The following RIMKLB variants were observed in gnomAD, a reference collection of about 807,000 sequenced individuals.
The protein encoded by RIMKLB is ribosomal modification protein rimK like family member B.
Under a neutral mutation model 32.0 loss-of-function variants are expected in RIMKLB, and 7 were observed. The ratio of observed to expected loss-of-function variants is 0.22; its 90% CI spans 0.12 to 0.41. The LOEUF (loss-of-function observed/expected upper bound fraction) is 0.41, where lower values mean the gene tolerates loss of function less well. RIMKLB is among the 10% of genes least tolerant of loss of function. The pLI, the probability that RIMKLB is intolerant of heterozygous loss-of-function variation, is 1.00. For synonymous variants in RIMKLB, 172 were observed against 185.1 expected (o/e 0.93, Z 0.57); for missense variants, 289 against 498.7 (o/e 0.58, Z 4.00).
At chr12:8,720,696 C>A (rs1475727368) in intron 2 of RIMKLB, among the ~76,000 whole-genome samples, 1 of 152,112 alleles carries the variant, frequency 6.6e-6, no homozygotes, top group Non-Finnish European at 1.5e-5. Flanking sequence ...CCTGCCACCA[C>A]GCTCAGCTAA....
chr12:8,725,622 G>T lies in RIMKLB; in HGVS notation c.175+11581G>T, dbSNP rs115435221. ...ACCAGCCCTGGCAGAGGCTGCAAGG[G>T]GGCAGGTAGGAGCCAAGGGGAGCCC... On this transcript the variant is annotated intron_variant, in intron 2 of 5. Coordinates refer to ENST00000535829, the MANE Select transcript of RIMKLB (RefSeq NM_001297776.2). Among the ~76,000 whole-genome samples the T allele has an allele frequency of 7.8e-3, 1,186 of 152,308 alleles. 17 individuals carry two copies. The highest frequency in any genetic ancestry group is 0.027 in the African/African-American group (1,133 of 41,568).
intron 2 of RIMKLB, among the ~76,000 whole-genome samples, chr12:8,718,273 G>A (rs1000414752): frequency 2.0e-5 from 3 of 152,096 alleles, no homozygotes; most frequent in African/African-American, 7.2e-5. Flanking sequence ...AATTACCAGA[G>A]CTCTGAAATA....
chr12:8,707,070 C>A (rs1943947773), intron 1 of RIMKLB, among the ~76,000 whole-genome samples: 1 of 152,104 alleles, frequency 6.6e-6, no homozygotes, highest in African/African-American at 2.4e-5. Flanking sequence ...ATTCAATGTG[C>A]TTTTTCCTGT....
intron 2 of RIMKLB, among the ~76,000 whole-genome samples, chr12:8,733,496 T>G (rs2137338179): frequency 6.6e-6 from 1 of 152,236 alleles, no homozygotes; most frequent in South Asian, 2.1e-4. Flanking sequence ...AGGAAAAACA[T>G]GAAATTGCTT....
intron 2 of RIMKLB, among the ~76,000 whole-genome samples, chr12:8,732,547 G>T (rs1300831488): frequency 1.3e-5 from 2 of 152,020 alleles, no homozygotes; most frequent in Non-Finnish European, 2.9e-5. Flanking sequence ...TCTTTAATAA[G>T]GAAGAAGGAA....
intron 5 of RIMKLB, among the ~76,000 whole-genome samples, chr12:8,769,783 A>G (rs1049748888): frequency 3.3e-5 from 5 of 152,148 alleles, no homozygotes; most frequent in Non-Finnish European, 7.3e-5. Flanking sequence ...ACTTCACTGT[A>G]TCATCATAAT....
In RIMKLB at chr12:8,735,135, C is replaced by G. The variant is rs139056075; in HGVS notation, c.176-14727C>G. On this transcript the variant is annotated intron_variant, in intron 2 of 5. Transcript: ENST00000535829. ...AGGTCAAATCAAAAATTTTGTTTTC[C>G]TTGGTCAGAGAGCTGCAGAATATTT... Among the ~76,000 whole-genome samples the G allele has an allele frequency of 2.0e-5, 3 of 152,194 alleles. No homozygotes were observed. The East Asian group carries it at 5.8e-4, about 29-fold the overall frequency.
chr12:8,748,206 G>A (rs994458885), intron 2 of RIMKLB, among the ~76,000 whole-genome samples: 2 of 152,164 alleles, frequency 1.3e-5, no homozygotes, highest in Non-Finnish European at 2.9e-5. Flanking sequence ...AACAACTATA[G>A]TAGTCTTCCC....
intron 5 of RIMKLB, among the ~76,000 whole-genome samples, chr12:8,755,759 A>G (rs1201564268): frequency 6.6e-6 from 1 of 152,180 alleles, no homozygotes; most frequent in African/African-American, 2.4e-5. Flanking sequence ...TGGTAATCCC[A>G]ACACTTGGGG....
intron 1 of RIMKLB, chr12:8,699,642 ATTCTT>A (rs1265849899): frequency 7.9e-5 from 12 of 152,194 alleles, no homozygotes; most frequent in African/African-American, 2.9e-4. Context: ...ATCCTATTTT[ATTCTT>A]TTCTATCTTG....
At chr12:8,703,579 C>T (rs1943598297) in intron 1 of RIMKLB, among the ~76,000 whole-genome samples, 1 of 152,106 alleles carries the variant, frequency 6.6e-6, no homozygotes, top group Admixed American at 6.6e-5. Context: ...CTACTTCAGC[C>T]TCCTAAAGTG....
chr12:8,694,389 T>C (rs1259051406), upstream of RIMKLB, among the ~76,000 whole-genome samples: 1 of 136,922 alleles, frequency 7.3e-6, no homozygotes, highest in Non-Finnish European at 1.6e-5. Context: ...CCTGTTGAAT[T>C]TTTTTTCTTT....
chr12:8,776,157 G>A lies in RIMKLB; in HGVS notation c.*2373G>A. 2 of 984,906 alleles carry A rather than the reference G, an allele frequency of 2.0e-6. No individual in the cohort carries two copies. The highest frequency in any genetic ancestry group is 2.4e-6 in the Non-Finnish European group (2 of 829,490). The allele number at this position is 984,906 out of a possible 1,614,324, so 61.0% of individuals were successfully genotyped here. ...GGGGTAAGGCATCAGGAAAAATGTA[G>A]TTAGTCTTTTCTTAACTTATACCAA... is the stretch of plus-strand genomic sequence containing the variant. On this transcript the variant is annotated 3_prime_UTR_variant, in exon 6 of 6. Coordinates refer to ENST00000535829, the MANE Select transcript of RIMKLB (RefSeq NM_001297776.2).
intron 2 of RIMKLB, among the ~76,000 whole-genome samples, chr12:8,725,719 G>A (rs1469194835): frequency 6.6e-6 from 1 of 152,216 alleles, no homozygotes; most frequent in African/African-American, 2.4e-5. Flanking sequence ...GTTCAGGTAT[G>A]TGTGGGCATA....
intron 2 of RIMKLB, among the ~76,000 whole-genome samples, chr12:8,744,623 A>G (rs1358706903): frequency 6.6e-6 from 1 of 151,400 alleles, no homozygotes; most frequent in African/African-American, 2.4e-5. Flanking sequence ...ATTTTTTATA[A>G]TACTATTTAA....
At chr12:8,778,882 G>A (rs766480731), downstream of RIMKLB, 15 of 152,296 alleles carry the variant, frequency 9.8e-5, no homozygotes, top group South Asian at 2.1e-4. Context: ...AATTCTTGGC[G>A]TGTAATGCCA....
At chr12:8,684,588 AG>A (rs1366668129) in intron 1 of RIMKLB, among the ~76,000 whole-genome samples, 1 of 152,104 alleles carries the variant, frequency 6.6e-6, no homozygotes, top group Non-Finnish European at 1.5e-5. Context: ...TCTACTGTGT[AG>A]ATTCTTTTTC....
rs1181035614 is a variant in RIMKLB at position 8,773,839 on chromosome 12, A to G, written c.*55A>G. On this transcript the variant is annotated 3_prime_UTR_variant, in exon 6 of 6. Transcript: ENST00000535829. ...TGTAAAACTTTCTTTCTTCTTTTCT[A>G]TTTTTAAAACCAACTTGCAATGCTG... The G allele has an allele frequency of 1.3e-5, 20 of 1,541,396 alleles. No individual in the cohort carries two copies. The highest frequency in any genetic ancestry group is 6.8e-5 in the East Asian group (3 of 44,218).
upstream of RIMKLB, chr12:8,679,178 C>T (rs915492303): frequency 6.6e-6 from 1 of 152,098 alleles, no homozygotes; most frequent in Non-Finnish European, 1.5e-5. Context: ...GCCATTTATT[C>T]TTTGTTTTTG....
Sources: allele counts gnomAD v4.1 joint callset (sites outside exome capture counted in the v4.1 genomes callset), GRCh38; gene constraint gnomAD v4.1.1; transcripts MANE v1.5; gene names NCBI Gene and HGNC (gene_info 2026-07-23, HGNC 2026-07-21).